Variants in OPA1 observed in about 807,000 individuals in gnomAD.
OPA1 encodes dynamin-like GTPase OPA1, mitochondrial.
In OPA1, 59 loss-of-function variants were observed where a neutral mutation model predicts 152.9. That is an observed-to-expected ratio of 0.39 (90% CI 0.31 to 0.48). The LOEUF is 0.48. Ranked by LOEUF, OPA1 falls within the 20% of genes least tolerant of loss-of-function variation. The pLI, the probability that OPA1 is intolerant of heterozygous loss-of-function variation, is 0.96. For missense variants in OPA1, 1,008 were observed against 1,216.8 expected, an observed-to-expected ratio of 0.83 and a Z score of 2.55; for synonymous variants, 400 against 389.9, an observed-to-expected ratio of 1.03 and a Z score of -0.31.
At chr3:193,612,290 T>TA (rs1553870282) in intron 1 of OPA1, among the ~76,000 whole-genome samples, 39 of 148,442 alleles carry the variant, frequency 2.6e-4, no homozygotes, top group African/African-American at 8.9e-4. Flanking sequence ...TTTTTTTTTT[T>TA]AAATCATCTT....
intron 1 of OPA1, among the ~76,000 whole-genome samples, chr3:193,595,414 G>A (rs1725332356): frequency 1.3e-5 from 2 of 152,216 alleles, no homozygotes; most frequent in South Asian, 4.1e-4. Flanking sequence ...GAACAAGAGA[G>A]TAGATTTCTG....
rs766448341 is a variant in OPA1 at position 193,688,449 on chromosome 3, CTTTTTTTTTTTTTTTTTTTTTTTTTTT to C, written c.2984-3593_2984-3567del. ...TGATTTTTACTGAAATGGGTCTTTTCTTTTTTTTTTTTTTTTTTTTTTTTTTTTTTTTTTTTTTTTTTTTTTTGAGAC... is the reference window on the plus strand; with the variant it reads ...TGATTTTTACTGAAATGGGTCTTTTCTTTTTTTTTTTTTTTTTTTTGAGAC... On this transcript the variant is annotated intron_variant, in intron 29 of 30. Transcript: ENST00000361510. Among the ~76,000 whole-genome samples the C allele has an allele frequency of 7.1e-4, 45 of 63,364 alleles. 1 individual carries two copies. The South Asian group carries it at 7.5e-3, about 11-fold the overall frequency. The allele number at this position is 63,364 out of a possible 152,430, so 41.6% of individuals were successfully genotyped here.
intron 13 of OPA1, 69 bp downstream of exon 13, chr3:193,643,118 A>T (rs1734026760): frequency 7.6e-7 from 1 of 1,308,720 alleles, no homozygotes. Flanking sequence ...AATAAATCAA[A>T]ATCTAGGTAT....
intron 1 of OPA1, among the ~76,000 whole-genome samples, chr3:193,607,389 T>C (rs1300331715): frequency 1.3e-5 from 2 of 152,262 alleles, no homozygotes; most frequent in Non-Finnish European, 2.9e-5. Flanking sequence ...CTAGGATTTT[T>C]ATGGTTTTAG....
chr3:193,642,700 C>T (rs534675659), intron 11 of OPA1, 65 bp from the exon 12 acceptor site: 20 of 1,207,166 alleles, frequency 1.7e-5, no homozygotes, highest in African/African-American at 1.3e-4. Context: ...AGACCACATA[C>T]GGGCTGTGGG....
At chr3:193,687,877 A>G (rs1026125018) in intron 29 of OPA1, among the ~76,000 whole-genome samples, 6 of 152,268 alleles carry the variant, frequency 3.9e-5, no homozygotes, top group African/African-American at 1.2e-4. Flanking sequence ...ATATGTATAC[A>G]TAGCCAGCTC....
rs2109486468 is a variant in OPA1, at chr3:193,697,365, A to G, written c.*2765A>G. On this transcript the variant is annotated 3_prime_UTR_variant, in exon 31 of 31. Coordinates refer to ENST00000361510, the MANE Select transcript of OPA1 (RefSeq NM_130837.3). ...GATCATGGCTATATGTTGTTGAGAT[A>G]TTTGAAACTTACCTTGTTTTCACTT... is the stretch of plus-strand genomic sequence containing the variant. 6.6e-6 allele frequency: 1 copy of G among 152,342 alleles called. No homozygotes were observed. The highest frequency in any genetic ancestry group is 2.1e-4 in the South Asian group (1 of 4,830). The allele number at this position is 152,342 out of a possible 1,614,324, so 9.4% of individuals were successfully genotyped here.
intron 6 of OPA1, 118 bp from the exon 7 acceptor site, chr3:193,625,974 A>G (rs1731052375): frequency 1.1e-5 from 9 of 801,854 alleles, no homozygotes; most frequent in Middle Eastern, 3.4e-4. Flanking sequence ...ATGAGTTTCC[A>G]TTTCTGTTTT....
At chr3:193,685,515 A>G (rs1720821458) in intron 29 of OPA1, among the ~76,000 whole-genome samples, 1 of 152,188 alleles carries the variant, frequency 6.6e-6, no homozygotes, top group Non-Finnish European at 1.5e-5. Flanking sequence ...ATGCATGAAT[A>G]TTCATGGACA....
intron 1 of OPA1, among the ~76,000 whole-genome samples, chr3:193,595,724 A>G (rs1022055805): frequency 6.6e-6 from 1 of 151,992 alleles, no homozygotes; most frequent in African/African-American, 2.4e-5. Flanking sequence ...GACTTGGCAC[A>G]CTCAGTGGGC....
At position 193,621,704 on chromosome 3, in the gene OPA1, T is replaced by C. The variant is rs111443512; in HGVS notation, c.678+2768T>C. Among the ~76,000 whole-genome samples the C allele has an allele frequency of 3.3e-5, 5 of 152,338 alleles. 1 individual carries two copies. Among genetic ancestry groups the C allele is most frequent in the African/African-American group, 9.6e-5 (4 of 41,586 alleles). Reference sequence around the variant, plus strand: ...GATTGACATACATTAAAACCACCTCTTAATAAATGCTTCTTGTTAATCAAA... The same window carrying C: ...GATTGACATACATTAAAACCACCTCCTAATAAATGCTTCTTGTTAATCAAA... On this transcript the variant is annotated intron_variant, in intron 6 of 30. Coordinates refer to ENST00000361510, the MANE Select transcript of OPA1 (RefSeq NM_130837.3).
intron 29 of OPA1, among the ~76,000 whole-genome samples, chr3:193,684,455 T>TC (rs1402041919): frequency 6.9e-6 from 1 of 145,528 alleles, no homozygotes; most frequent in Non-Finnish European, 1.5e-5. Context: ...CCTTTTTTTT[T>TC]TTTTTTTTTT....
At chr3:193,635,854 G>A (rs908400148) in intron 9 of OPA1, among the ~76,000 whole-genome samples, 7 of 152,164 alleles carry the variant, frequency 4.6e-5, no homozygotes, top group African/African-American at 1.7e-4. Context: ...TGATGGACAT[G>A]TAAGTGACTT....
At chr3:193,604,860 CAAAAAAAA>C (rs55904490) in intron 1 of OPA1, among the ~76,000 whole-genome samples, 3 of 104,594 alleles carry the variant, frequency 2.9e-5, no homozygotes, top group African/African-American at 1.2e-4. Flanking sequence ...AACTCCATCT[CAAAAAAAA>C]AAAAAAAGAA....
At chr3:193,654,736 C>CTTATCAAATTTTTAT in intron 21 of OPA1, 126 bp from the exon 22 acceptor site, 1 of 942,254 alleles carries the variant, frequency 1.1e-6, no homozygotes, top group Non-Finnish European at 1.6e-6. Flanking sequence ...GGTATATACA[C>CTTATCAAATTTTTAT]ATGTGAAAAC....
intron 1 of OPA1, among the ~76,000 whole-genome samples, chr3:193,601,844 C>T (rs891783527): frequency 6.6e-6 from 1 of 152,110 alleles, no homozygotes; most frequent in African/African-American, 2.4e-5. Flanking sequence ...GAATAGCTTT[C>T]CATTCTTCCC....
intron 1 of OPA1, among the ~76,000 whole-genome samples, chr3:193,596,562 A>G (rs1725630698): frequency 6.6e-6 from 1 of 151,160 alleles, no homozygotes; most frequent in African/African-American, 2.4e-5. Context: ...TTTTATTTTT[A>G]TTTTTCCTTT....
intron 16 of OPA1, among the ~76,000 whole-genome samples, chr3:193,644,306 C>G (rs1241449552): frequency 6.6e-6 from 1 of 152,128 alleles, no homozygotes; most frequent in Non-Finnish European, 1.5e-5. Context: ...TCACGTTTTT[C>G]CACTAGTTCA....
intron 29 of OPA1, among the ~76,000 whole-genome samples, chr3:193,672,581 A>C (rs570577936): frequency 5.9e-5 from 9 of 152,280 alleles, no homozygotes; most frequent in African/African-American, 2.2e-4. Flanking sequence ...AGACCTAAGG[A>C]GTCTTGGCCG....
Sources: allele counts gnomAD v4.1 joint callset (sites outside exome capture counted in the v4.1 genomes callset), GRCh38; gene constraint gnomAD v4.1.1; transcripts MANE v1.5; gene names NCBI Gene and HGNC (gene_info 2026-07-23, HGNC 2026-07-21).